AHI1: variants seen among roughly 807,000 people sequenced by gnomAD.
AHI1 encodes the protein jouberin.
AHI1 carries 123 observed loss-of-function variants against 149.3 expected under a neutral mutation model. The observed-to-expected ratio is 0.82, with a 90% CI of 0.71 to 0.96. The LOEUF (loss-of-function observed/expected upper bound fraction) is 0.96. AHI1 is among the 40% of genes least tolerant of loss of function. The pLI is 0.00. For missense variants in AHI1, 1,439 were observed against 1,422.7 expected, an observed-to-expected ratio of 1.01 and a Z score of -0.18; for synonymous variants, 475 against 459.8, an observed-to-expected ratio of 1.03 and a Z score of -0.42.
rs1444313311 is a variant in AHI1 at position 135,380,735 on chromosome 6, C to A, written c.3109+14041G>T. Among the ~76,000 whole-genome samples the A allele has an allele frequency of 4.4e-4, 49 of 111,852 alleles. 4 individuals are homozygous for A. The highest frequency in any genetic ancestry group is 5.9e-4 in the Admixed American group (7 of 11,940). The allele number at this position is 111,852 out of a possible 152,430, so 73.4% of individuals were successfully genotyped here. Reference sequence around the variant, plus strand: ...AACATCTTTTTAAGTAAAATAACCCCCCCCCCCCCAAAAAAAAAGTACAAA... The same window carrying A: ...AACATCTTTTTAAGTAAAATAACCCACCCCCCCCCAAAAAAAAAGTACAAA... On this transcript the variant is annotated intron_variant, in intron 23 of 28. Coordinates refer to ENST00000265602, the MANE Select transcript of AHI1 (RefSeq NM_001134831.2).
At chr6:135,327,704 C>A (rs1213802085) in intron 24 of AHI1, among the ~76,000 whole-genome samples, 1 of 152,100 alleles carries the variant, frequency 6.6e-6, no homozygotes, top group African/African-American at 2.4e-5. Context: ...ACCTTTCTGA[C>A]TGTAGGTCTT....
At chr6:135,318,668 T>C (rs1172009026) in intron 25 of AHI1, 52 bp from the exon 26 acceptor site, 3 of 1,185,094 alleles carry the variant, frequency 2.5e-6, no homozygotes, top group African/African-American at 3.1e-5. Flanking sequence ...CACTGCTCCA[T>C]GGGGGAAAAA....
chr6:135,380,019 C>T (rs887939574), intron 23 of AHI1, among the ~76,000 whole-genome samples: 4 of 131,826 alleles, frequency 3.0e-5, no homozygotes, highest in Non-Finnish European at 6.4e-5. Flanking sequence ...CTCCCTCCTT[C>T]CTTCCTTCCT....
At chr6:135,300,852 T>C (rs548732670) in intron 26 of AHI1, 20 of 1,087,368 alleles carry the variant, frequency 1.8e-5, no homozygotes, top group Non-Finnish European at 2.2e-5. Context: ...TGAATCAGTT[T>C]AAATTAATCT....
At chr6:135,475,114 CTTTTT>C (rs961446730) in intron 5 of AHI1, among the ~76,000 whole-genome samples, 4 of 152,068 alleles carry the variant, frequency 2.6e-5, no homozygotes, top group Admixed American at 1.3e-4. Flanking sequence ...TTATCTATTT[CTTTTT>C]GAGTGAGCTT....
intron 5 of AHI1, among the ~76,000 whole-genome samples, chr6:135,486,116 C>A (rs1794431888): frequency 6.6e-6 from 1 of 152,164 alleles, no homozygotes; most frequent in Non-Finnish European, 1.5e-5. Flanking sequence ...AAAAAGCTAT[C>A]ATATCTTTAT....
rs1785808324 is a variant in AHI1, at chr6:135,438,781, A to T, written c.1913-283T>A. Among the ~76,000 whole-genome samples, 5 of 152,286 alleles carry T rather than the reference A, an allele frequency of 3.3e-5. No individual in the cohort carries two copies. In the South Asian group the frequency reaches 1.0e-3, roughly 32 times the overall value. ...CCTAAGAATCTTTAATAATAAATTTATATCAGTTGAATAATAACATTTACA... is the reference window on the plus strand; with the variant it reads ...CCTAAGAATCTTTAATAATAAATTTTTATCAGTTGAATAATAACATTTACA... On this transcript the variant is annotated intron_variant, in intron 14 of 28. Coordinates refer to ENST00000265602, the MANE Select transcript of AHI1 (RefSeq NM_001134831.2).
chr6:135,429,120 AAACT>A (rs1374417898), intron 18 of AHI1, among the ~76,000 whole-genome samples: 1 of 151,750 alleles, frequency 6.6e-6, no homozygotes, highest in African/African-American at 2.4e-5. Flanking sequence ...GCTGGTTACT[AAACT>A]AATGGATAGA....
intron 13 of AHI1, among the ~76,000 whole-genome samples, chr6:135,446,139 T>G (rs2128054243): frequency 1.3e-5 from 2 of 152,114 alleles, no homozygotes; most frequent in South Asian, 4.2e-4. Context: ...ATAGGCTGAA[T>G]TGTGTCCTCT....
rs570580055 is a variant in AHI1 at position 135,494,205 on chromosome 6, C to T, written c.-55+1609G>A. 1.2e-3 allele frequency among the ~76,000 whole-genome samples: 190 copies of T among 152,296 alleles called. 1 individual carries two copies. The highest frequency in any genetic ancestry group is 4.2e-3 in the African/African-American group (174 of 41,566). On this transcript the variant is annotated intron_variant, in intron 3 of 28. Coordinates refer to ENST00000265602, the MANE Select transcript of AHI1 (RefSeq NM_001134831.2). ...TAGAATTAGTTTCCATAGTCACTTG[C>T]GTGACTTTTGTTTCCTCATCTATAA... is the stretch of plus-strand genomic sequence containing the variant.
At position 135,390,403 on chromosome 6, in the gene AHI1, T is replaced by C. The variant is rs569497406; in HGVS notation, c.3109+4373A>G. On this transcript the variant is annotated intron_variant, in intron 23 of 28. Coordinates refer to ENST00000265602, the MANE Select transcript of AHI1 (RefSeq NM_001134831.2). Reference sequence around the variant, plus strand: ...AAACCACACCTTTTCCAAAGAGTTATACTGTTTATATTATTACTTTGCAAT... The same window carrying C: ...AAACCACACCTTTTCCAAAGAGTTACACTGTTTATATTATTACTTTGCAAT... 3.3e-5 allele frequency among the ~76,000 whole-genome samples: 5 copies of C among 152,156 alleles called. No homozygotes were observed. The East Asian group carries it at 9.6e-4, about 29-fold the overall frequency.
chr6:135,378,982 G>A (rs1293324359), intron 23 of AHI1, among the ~76,000 whole-genome samples: 1 of 151,952 alleles, frequency 6.6e-6, no homozygotes, highest in Non-Finnish European at 1.5e-5. Context: ...ACTCCCATGG[G>A]CTCAAATACC....
At chr6:135,378,624 T>C (rs1194016248) in intron 23 of AHI1, among the ~76,000 whole-genome samples, 1 of 152,214 alleles carries the variant, frequency 6.6e-6, no homozygotes, top group Non-Finnish European at 1.5e-5. Flanking sequence ...TAATTTAATA[T>C]CTGTCTTTAA....
chr6:135,490,027 G>C (rs1298301477), intron 5 of AHI1: 7 of 592,698 alleles, frequency 1.2e-5, no homozygotes, highest in Non-Finnish European at 2.1e-5. Context: ...AGAGGGCATA[G>C]AGCATTAACT....
chr6:135,327,472 G>T (rs111302987), intron 24 of AHI1, among the ~76,000 whole-genome samples: 2 of 152,146 alleles, frequency 1.3e-5, no homozygotes, highest in Non-Finnish European at 2.9e-5. Flanking sequence ...TCAAGTACAC[G>T]CAGACCTCAT....
intron 11 of AHI1, among the ~76,000 whole-genome samples, chr6:135,451,970 A>G (rs2128067733): frequency 6.6e-6 from 1 of 152,220 alleles, no homozygotes; most frequent in African/African-American, 2.4e-5. Flanking sequence ...TGCTAAGGCC[A>G]CTCTCAAATT....
chr6:135,473,738 C>G (rs1425264395), intron 5 of AHI1, among the ~76,000 whole-genome samples: 1 of 114,488 alleles, frequency 8.7e-6, no homozygotes, highest in Non-Finnish European at 1.9e-5. Context: ...TCCCTGAATG[C>G]TACACATTTT....
intron 26 of AHI1, chr6:135,306,732 T>TC (rs953094733): frequency 2.6e-5 from 4 of 152,030 alleles, no homozygotes; most frequent in African/African-American, 7.2e-5. Flanking sequence ...CAACTAAATG[T>TC]CCCCCCACCA....
rs759912830 is a variant in AHI1 at position 135,394,733 on chromosome 6, T to C, written c.3109+43A>G. On this transcript the variant is annotated intron_variant, in intron 23 of 28. Transcript: ENST00000265602. ...GTGATATTCATCAACACAACAAGCA[T>C]CTGAACATTTAAAAGAATTGTCAAA... 5 of 1,604,194 alleles carry C rather than the reference T, an allele frequency of 3.1e-6. No homozygotes were observed. The African/African-American group carries it at 4.0e-5, about 13-fold the overall frequency.
Sources: gnomAD v4.1 joint callset for allele counts (sites outside exome capture counted in the v4.1 genomes callset) on GRCh38, gnomAD v4.1.1 for gene constraint, MANE v1.5 for transcripts, NCBI Gene and HGNC (gene_info 2026-07-23, HGNC 2026-07-21) for gene names.